The following THSD7A variants were observed in gnomAD, a reference collection of about 807,000 sequenced individuals.
The protein encoded by THSD7A is thrombospondin type 1 domain containing 7A.
Under a neutral mutation model 231.3 loss-of-function variants are expected in THSD7A, and 96 were observed. The ratio of observed to expected loss-of-function variants is 0.41; its 90% CI spans 0.35 to 0.49. THSD7A has a LOEUF of 0.49. Ranked by LOEUF, THSD7A falls within the 20% of genes least tolerant of loss-of-function variation. The pLI, the probability that THSD7A is intolerant of heterozygous loss-of-function variation, is 0.05. For synonymous variants in THSD7A, 940 were observed against 743.3 expected, an observed-to-expected ratio of 1.26 and a Z score of -4.30; for missense variants, 2,290 against 2,070.2, an observed-to-expected ratio of 1.11 and a Z score of -2.06.
chr7:11,427,730 T>C (rs1424377942), intron 14 of THSD7A, among the ~76,000 whole-genome samples: 2 of 152,188 alleles, frequency 1.3e-5, no homozygotes, highest in Non-Finnish European at 2.9e-5. Context: ...TTTTGTATTA[T>C]AAACATTTTA....
intron 1 of THSD7A, among the ~76,000 whole-genome samples, chr7:11,702,817 C>G (rs1367277586): frequency 6.6e-6 from 1 of 151,072 alleles, no homozygotes; most frequent in African/African-American, 2.4e-5. Flanking sequence ...CTACCTGACT[C>G]CTGCTAAGTA....
At chr7:11,761,394 A>C (rs1307084444) in intron 1 of THSD7A, among the ~76,000 whole-genome samples, 1 of 152,140 alleles carries the variant, frequency 6.6e-6, no homozygotes, top group African/African-American at 2.4e-5. Context: ...TCACTTATAC[A>C]GTAACATACT....
At chr7:11,644,346 T>C (rs952845836) in intron 1 of THSD7A, among the ~76,000 whole-genome samples, 1 of 152,002 alleles carries the variant, frequency 6.6e-6, no homozygotes, top group Non-Finnish European at 1.5e-5. Flanking sequence ...ATTATAAATA[T>C]ATGCTCTGCC....
At chr7:11,421,358 C>T (rs930654676) in intron 16 of THSD7A, among the ~76,000 whole-genome samples, 1 of 152,122 alleles carries the variant, frequency 6.6e-6, no homozygotes, top group Non-Finnish European at 1.5e-5. Context: ...CTTTCTCTCT[C>T]CTGCTGCCAT....
rs1333993075 is a variant in THSD7A at position 11,636,296 on chromosome 7, C to G, written c.856G>C (p.Asp286His). 4 of 1,613,862 alleles carry G rather than the reference C, an allele frequency of 2.5e-6. No individual in the cohort carries two copies. The highest frequency in any genetic ancestry group is 2.5e-6 in the Non-Finnish European group (3 of 1,179,902). ...GGATCCTTTACTCCTTTGCTGCGGT[C>G]CTTTTCCCGTTCTTTATTCTTCCCG... ...RRGKNKEREK[D>H]RSKGVKDPEA... The change falls in exon 2 of 28, where the codon GAC becomes CAC. Residue 286 changes from aspartate to histidine, a missense_variant. Coordinates refer to ENST00000423059, the MANE Select transcript of THSD7A (RefSeq NM_015204.3). This position sits in a 1 kb window ranked among gnomAD's most constrained non-coding sequence, Gnocchi z 10.0.
intron 4 of THSD7A, among the ~76,000 whole-genome samples, chr7:11,559,664 TAAA>T (rs1007938195): frequency 3.5e-4 from 53 of 151,754 alleles, no homozygotes; most frequent in African/African-American, 1.2e-3. Flanking sequence ...AGAAAGAGAA[TAAA>T]AAAAGATGGA....
At chr7:11,756,112 A>G (rs1270795154) in intron 1 of THSD7A, among the ~76,000 whole-genome samples, 1 of 152,146 alleles carries the variant, frequency 6.6e-6, no homozygotes, top group Non-Finnish European at 1.5e-5. Flanking sequence ...TATTTGCAGA[A>G]TGTACCAGGT....
intron 1 of THSD7A, among the ~76,000 whole-genome samples, chr7:11,784,383 T>C (rs1424239057): frequency 2.0e-5 from 3 of 151,934 alleles, no homozygotes; most frequent in Non-Finnish European, 4.4e-5. Context: ...TAATTTTTTT[T>C]TCAAATATTG....
At chr7:11,621,196 A>G (rs1399438181) in intron 2 of THSD7A, among the ~76,000 whole-genome samples, 1 of 152,198 alleles carries the variant, frequency 6.6e-6, no homozygotes, top group Non-Finnish European at 1.5e-5. Context: ...TGCATCATTC[A>G]TGACGATTTC....
intron 1 of THSD7A, among the ~76,000 whole-genome samples, chr7:11,648,965 A>T (rs1019094668): frequency 6.6e-6 from 1 of 152,012 alleles, no homozygotes; most frequent in Non-Finnish European, 1.5e-5. Flanking sequence ...CCAGTCTCCA[A>T]GATGATTCCA....
intron 4 of THSD7A, among the ~76,000 whole-genome samples, chr7:11,586,898 G>GTTA (rs1479895072): frequency 4.0e-5 from 6 of 151,848 alleles, no homozygotes; most frequent in Non-Finnish European, 8.8e-5. Flanking sequence ...TATTATCTAG[G>GTTA]CTGTCTTTCT....
intron 11 of THSD7A, among the ~76,000 whole-genome samples, chr7:11,458,139 AT>A (rs1785370481): frequency 6.6e-6 from 1 of 152,084 alleles, no homozygotes; most frequent in Non-Finnish European, 1.5e-5. Context: ...GTCTTTGTTG[AT>A]TGATTTAATG....
intron 13 of THSD7A, among the ~76,000 whole-genome samples, chr7:11,437,848 T>G (rs923743457): frequency 2.0e-5 from 3 of 152,104 alleles, no homozygotes; most frequent in African/African-American, 7.2e-5. Flanking sequence ...TTCAGTTACT[T>G]TATGGTTGAG....
intron 1 of THSD7A, among the ~76,000 whole-genome samples, chr7:11,701,755 C>G: frequency 6.6e-6 from 1 of 151,096 alleles, no homozygotes; most frequent in East Asian, 2.0e-4. Flanking sequence ...TTACAAAGCC[C>G]TAGCTGACAT....
At chr7:11,481,624 G>A (rs1786427349) in intron 7 of THSD7A, among the ~76,000 whole-genome samples, 164 bp downstream of exon 7, 1 of 152,034 alleles carries the variant, frequency 6.6e-6, no homozygotes, top group Admixed American at 6.6e-5. Context: ...TTAATTTTGG[G>A]GGACAGAATC....
At chr7:11,772,824 C>T (rs1241205549) in intron 1 of THSD7A, among the ~76,000 whole-genome samples, 1 of 152,126 alleles carries the variant, frequency 6.6e-6, no homozygotes, top group Non-Finnish European at 1.5e-5. Flanking sequence ...TGCAACTTAC[C>T]TATGTACCAA....
At position 11,445,620 on chromosome 7, in the gene THSD7A, A is replaced by T. The variant is rs545011182; in HGVS notation, c.3064+441T>A. Among the ~76,000 whole-genome samples the T allele has an allele frequency of 7.2e-5, 11 of 152,080 alleles. No individual in the cohort carries two copies. The South Asian group carries it at 2.3e-3, about 32-fold the overall frequency. On this transcript the variant is annotated intron_variant, in intron 13 of 27. Coordinates refer to ENST00000423059, the MANE Select transcript of THSD7A (RefSeq NM_015204.3). Reference sequence around the variant, plus strand: ...TTGCCATCTTCTCTGCTGCTTAATGACATTTTGTGCATATTGCAAATCTTG... The same window carrying T: ...TTGCCATCTTCTCTGCTGCTTAATGTCATTTTGTGCATATTGCAAATCTTG...
intron 1 of THSD7A, among the ~76,000 whole-genome samples, chr7:11,805,790 A>C (rs1784384451): frequency 6.6e-6 from 1 of 152,126 alleles, no homozygotes; most frequent in Non-Finnish European, 1.5e-5. Context: ...TTTTATAGTT[A>C]CTTACATTCA....
At chr7:11,429,446 C>T (rs1784415696) in intron 13 of THSD7A, among the ~76,000 whole-genome samples, 1 of 152,224 alleles carries the variant, frequency 6.6e-6, no homozygotes, top group African/African-American at 2.4e-5. Context: ...CTCATGCTGA[C>T]AGAATGATAC....
Sources: allele counts gnomAD v4.1 joint callset (sites outside exome capture counted in the v4.1 genomes callset), GRCh38; gene constraint gnomAD v4.1.1; non-coding constraint Gnocchi (gnomAD v3.1); transcripts MANE v1.5; gene names NCBI Gene and HGNC (gene_info 2026-07-23, HGNC 2026-07-21).